The following TENM4 variants were observed in gnomAD, a reference collection of about 807,000 sequenced individuals.
TENM4 encodes the protein teneurin-4.
A neutral mutation model predicts 243.3 loss-of-function variants in TENM4; 82 were observed. That is an observed-to-expected ratio of 0.34 (90% CI 0.28 to 0.40). The LOEUF (loss-of-function observed/expected upper bound fraction) is 0.40. TENM4 is among the 10% of genes least tolerant of loss of function. The pLI is 1.00. For synonymous variants in TENM4, 1,412 were observed against 1,456.3 expected (o/e 0.97, Z 0.69); for missense variants, 3,138 against 3,673.3 (o/e 0.85, Z 3.77).
At chr11:79,100,510 A>T (rs1861201049) in intron 4 of TENM4, among the ~76,000 whole-genome samples, 1 of 152,152 alleles carries the variant, frequency 6.6e-6, no homozygotes. Flanking sequence ...GATCATAGCT[A>T]GTTGTGGGGC....
chr11:79,273,206 A>G (rs912020674), intron 2 of TENM4, among the ~76,000 whole-genome samples: 5 of 152,262 alleles, frequency 3.3e-5, no homozygotes, highest in African/African-American at 4.8e-5. Context: ...CACTGAGAAA[A>G]GGGAACAATA....
At chr11:79,059,411 C>T (rs545283192) in intron 6 of TENM4, among the ~76,000 whole-genome samples, 2 of 152,182 alleles carry the variant, frequency 1.3e-5, no homozygotes, top group Non-Finnish European at 2.9e-5. Flanking sequence ...CCTCTGCACC[C>T]TCAGGGCAAA....
chr11:78,879,651 G>A (rs1859375840), intron 9 of TENM4, among the ~76,000 whole-genome samples: 1 of 141,936 alleles, frequency 7.0e-6, no homozygotes, highest in South Asian at 2.3e-4. Flanking sequence ...CCTCTGCCCG[G>A]CCGCCACACC....
At chr11:79,133,914 G>A (rs2137169471) in intron 4 of TENM4, among the ~76,000 whole-genome samples, 1 of 152,242 alleles carries the variant, frequency 6.6e-6, no homozygotes, top group East Asian at 1.9e-4. Flanking sequence ...AAAGTTGAAA[G>A]CATTCCTTCT....
At chr11:78,873,156 T>A (rs1859180005) in intron 9 of TENM4, among the ~76,000 whole-genome samples, 1 of 152,214 alleles carries the variant, frequency 6.6e-6, no homozygotes, top group African/African-American at 2.4e-5. Context: ...TATCATATTT[T>A]CCTGCCCCCC....
chr11:79,021,613 G>A (rs1430030345), intron 6 of TENM4: 1 of 152,306 alleles, frequency 6.6e-6, no homozygotes, highest in Non-Finnish European at 1.5e-5. Flanking sequence ...GGGCAAAGCT[G>A]CCTTTAGAGG....
chr11:79,175,470 T>G (rs1330361636), intron 3 of TENM4, among the ~76,000 whole-genome samples: 1 of 152,156 alleles, frequency 6.6e-6, no homozygotes, highest in African/African-American at 2.4e-5. Flanking sequence ...GAAATGGGAA[T>G]AAACTCTGGC....
chr11:78,942,935 C>T (rs539823619), intron 6 of TENM4, among the ~76,000 whole-genome samples: 31 of 152,164 alleles, frequency 2.0e-4, no homozygotes, highest in African/African-American at 7.2e-4. Flanking sequence ...TGCCCTTCCA[C>T]GGTACTGTGT....
chr11:79,416,558 G>A (rs1259235442), intron 1 of TENM4, among the ~76,000 whole-genome samples: 1 of 152,066 alleles, frequency 6.6e-6, no homozygotes, highest in Non-Finnish European at 1.5e-5. Context: ...AACATTACTG[G>A]TTTCTGTTTA....
chr11:79,034,516 T>C (rs1315961754), intron 6 of TENM4, among the ~76,000 whole-genome samples: 1 of 152,212 alleles, frequency 6.6e-6, no homozygotes, highest in African/African-American at 2.4e-5. Context: ...GGAATTTTTT[T>C]TAAAGAACAA....
intron 2 of TENM4, among the ~76,000 whole-genome samples, chr11:79,287,292 G>C (rs367961970): frequency 6.6e-6 from 1 of 152,138 alleles, no homozygotes; most frequent in Admixed American, 6.5e-5. Context: ...TAGAAAGGAA[G>C]ATGGAATAGG....
intron 6 of TENM4, among the ~76,000 whole-genome samples, chr11:78,978,911 T>C (rs924719930): frequency 1.3e-5 from 2 of 152,098 alleles, no homozygotes. Context: ...GTACAAAGCT[T>C]CTCGGTGTTT....
rs1476837868 is a variant in TENM4, at chr11:79,227,542, G to A, written c.-264-11633C>T. On this transcript the variant is annotated intron_variant, in intron 2 of 33. Coordinates refer to ENST00000278550, the MANE Select transcript of TENM4 (RefSeq NM_001098816.3). ...GGGCTGGGATAAAGAGCCCCTTACAGCACTGACTGCTGCACTGAAGCCCAA... is the reference window on the plus strand; with the variant it reads ...GGGCTGGGATAAAGAGCCCCTTACAACACTGACTGCTGCACTGAAGCCCAA... Among the ~76,000 whole-genome samples, 7 of 152,204 alleles carry A rather than the reference G, an allele frequency of 4.6e-5. No individual in the cohort carries two copies. In the East Asian group the frequency reaches 1.3e-3, roughly 29 times the overall value.
Position 78,702,179 on chromosome 11 carries a change from A to C in TENM4, c.4434T>G (p.Asn1478Lys). ...CAGTCTCAGCAATATACAGGACCCCATTGTGTGAAACAGCCAAAGCGGTGG... is the reference window on the plus strand; with the variant it reads ...CAGTCTCAGCAATATACAGGACCCCCTTGTGTGAAACAGCCAAAGCGGTGG... ...ESATALAVSH[N>K]GVLYIAETDE... Residue 1478 changes from asparagine to lysine, a missense_variant, in exon 28 of 34, where the codon AAT becomes AAG. Around this residue, in one of 2 missense-constraint regions of TENM4, gnomAD observed 2,467 missense variants for 3,059.1 expected, o/e 0.81. Coordinates refer to ENST00000278550, the MANE Select transcript of TENM4 (RefSeq NM_001098816.3). 2 of 1,614,004 alleles carry C rather than the reference A, an allele frequency of 1.2e-6. No individual in the cohort carries two copies. The highest frequency in any genetic ancestry group is 8.5e-7 in the Non-Finnish European group (1 of 1,179,882).
At chr11:79,002,105 C>G (rs939013758) in intron 6 of TENM4, among the ~76,000 whole-genome samples, 1 of 152,178 alleles carries the variant, frequency 6.6e-6, no homozygotes, top group Non-Finnish European at 1.5e-5. Flanking sequence ...CCCACCCCCC[C>G]ACTGATACAT....
At chr11:79,037,163 G>A (rs541637301) in intron 6 of TENM4, among the ~76,000 whole-genome samples, 6 of 152,336 alleles carry the variant, frequency 3.9e-5, no homozygotes, top group Admixed American at 1.3e-4. Context: ...GAGGGACAGC[G>A]TGGAGTGGTG....
intron 1 of TENM4, among the ~76,000 whole-genome samples, chr11:79,358,948 G>A (rs902990045): frequency 4.7e-4 from 57 of 121,502 alleles, no homozygotes; most frequent in Non-Finnish European, 8.1e-4. Flanking sequence ...AAGTAAAAAG[G>A]CATTTTTTTT....
At chr11:78,981,488 G>T (rs1326006899) in intron 6 of TENM4, among the ~76,000 whole-genome samples, 4 of 152,180 alleles carry the variant, frequency 2.6e-5, no homozygotes, top group East Asian at 3.9e-4. Context: ...ATGTGTCTCA[G>T]TTGGAAGATC....
At chr11:79,066,670 GCACA>G (rs1344163507) in intron 5 of TENM4, among the ~76,000 whole-genome samples, 1 of 150,600 alleles carries the variant, frequency 6.6e-6, no homozygotes. Context: ...ACATGCACAT[GCACA>G]CACACGCACG....
Sources: gnomAD v4.1 joint callset for allele counts (sites outside exome capture counted in the v4.1 genomes callset) on GRCh38, gnomAD v4.1.1 for gene constraint, gnomAD v4.1.1 regional missense constraint, MANE v1.5 for transcripts, NCBI Gene and HGNC (gene_info 2026-07-23, HGNC 2026-07-21) for gene names.